EEIG2: variants seen among roughly 807,000 people sequenced by gnomAD.
EEIG2 encodes family with sequence similarity 102 member B.
At chr1:108,580,349 A>G in the EEIG2 span, among the ~76,000 whole-genome samples, 1 of 100,850 alleles carries the variant, frequency 9.9e-6, no homozygotes, top group Non-Finnish European at 2.4e-5. Context: ...AGACAAAACA[A>G]TATTAAAATT....
the EEIG2 span, among the ~76,000 whole-genome samples, chr1:108,583,749 G>A: frequency 1.5e-4 from 23 of 152,100 alleles, no homozygotes; most frequent in African/African-American, 5.3e-4. Context: ...AGTTAGGATC[G>A]CAAACCTAGA....
the EEIG2 span, chr1:108,616,551 TC>T: frequency 1.5e-6 from 1 of 653,250 alleles, no homozygotes; most frequent in Admixed American, 3.0e-5. Context: ...GATAGTTTCT[TC>T]CCTGGGAGAC....
the EEIG2 span, among the ~76,000 whole-genome samples, chr1:108,573,923 C>T: frequency 6.6e-6 from 1 of 152,182 alleles, no homozygotes; most frequent in Non-Finnish European, 1.5e-5. Flanking sequence ...AATTAGAACC[C>T]TTTTGCATTG....
chr1:108,617,851 A>G, the EEIG2 span, among the ~76,000 whole-genome samples: 1 of 152,196 alleles, frequency 6.6e-6, no homozygotes, highest in Non-Finnish European at 1.5e-5. Context: ...ACGCTGCTGG[A>G]GTGGGTCTCA....
the EEIG2 span, chr1:108,637,326 T>G: frequency 6.6e-6 from 1 of 152,178 alleles, no homozygotes; most frequent in Non-Finnish European, 1.5e-5. Flanking sequence ...AGCAAAAGTC[T>G]GGATCCATTT....
the EEIG2 span, among the ~76,000 whole-genome samples, chr1:108,580,006 C>T: frequency 2.0e-5 from 3 of 152,124 alleles, no homozygotes; most frequent in African/African-American, 7.2e-5. Context: ...CTCAAGCCAT[C>T]CTCTCACCTA....
At chr1:108,600,023 G>A in the EEIG2 span, among the ~76,000 whole-genome samples, 1 of 152,176 alleles carries the variant, frequency 6.6e-6, no homozygotes, top group African/African-American at 2.4e-5. Flanking sequence ...GAAAATGCCA[G>A]CTACTTCACA....
the EEIG2 span, chr1:108,612,044 T>A: frequency 1.8e-6 from 1 of 559,306 alleles, no homozygotes; most frequent in Non-Finnish European, 3.2e-6. Flanking sequence ...AGAACAGGTA[T>A]TAAGAGTCAA....
At chr1:108,567,220 A>C in the EEIG2 span, among the ~76,000 whole-genome samples, 1 of 152,208 alleles carries the variant, frequency 6.6e-6, no homozygotes, top group Non-Finnish European at 1.5e-5. Context: ...TCATCAATTC[A>C]CATTATTATA....
chr1:108,573,780 C>T, the EEIG2 span, among the ~76,000 whole-genome samples: 1 of 152,114 alleles, frequency 6.6e-6, no homozygotes, highest in Non-Finnish European at 1.5e-5. Context: ...AAAAGGTATA[C>T]AGCATCACTT....
At chr1:108,577,043 G>A in the EEIG2 span, among the ~76,000 whole-genome samples, 1 of 146,024 alleles carries the variant, frequency 6.8e-6, no homozygotes, top group East Asian at 2.1e-4. Flanking sequence ...TTCTCTGATG[G>A]CCAGTGATGA....
chr1:108,639,272 GT>G, the EEIG2 span: 1 of 141,178 alleles, frequency 7.1e-6, no homozygotes, highest in South Asian at 2.2e-4. Flanking sequence ...TTTGTAAAAT[GT>G]TTGTAATAAT....
At chr1:108,613,804 C>A in the EEIG2 span, among the ~76,000 whole-genome samples, 3 of 151,970 alleles carry the variant, frequency 2.0e-5, no homozygotes, top group Admixed American at 2.0e-4. Flanking sequence ...GACGAGCTAG[C>A]CTTGTGGACT....
the EEIG2 span, among the ~76,000 whole-genome samples, chr1:108,571,146 C>A: frequency 7.9e-5 from 12 of 152,266 alleles, no homozygotes; most frequent in South Asian, 2.5e-3. Context: ...ACTTCACTGT[C>A]ACATCAACCT....
the EEIG2 span, among the ~76,000 whole-genome samples, chr1:108,571,402 G>A: frequency 6.6e-6 from 1 of 152,146 alleles, no homozygotes; most frequent in Admixed American, 6.5e-5. Flanking sequence ...AAGAGACTAA[G>A]AGTATGAGGG....
At chr1:108,635,363 G>C in the EEIG2 span, 1 of 564,690 alleles carries the variant, frequency 1.8e-6, no homozygotes, top group Admixed American at 3.2e-5. Flanking sequence ...GTGCCACTGT[G>C]TGCCTTGGAA....
the EEIG2 span, among the ~76,000 whole-genome samples, chr1:108,563,148 A>T: frequency 6.6e-6 from 1 of 152,226 alleles, no homozygotes; most frequent in Non-Finnish European, 1.5e-5. Flanking sequence ...GGGAGCTTGA[A>T]TGGTAAATGG....
the EEIG2 span, chr1:108,629,728 A>G: frequency 1.7e-6 from 2 of 1,185,286 alleles, no homozygotes; most frequent in Non-Finnish European, 2.5e-6. Context: ...GTAGAGGATG[A>G]TGGTTGCAAA....
the EEIG2 span, among the ~76,000 whole-genome samples, chr1:108,610,132 G>C: frequency 6.6e-6 from 1 of 152,212 alleles, no homozygotes; most frequent in Admixed American, 6.5e-5. Context: ...ATAGCCTGGA[G>C]AGAGACAAAG....
Sources: gnomAD v4.1 joint callset for allele counts (sites outside exome capture counted in the v4.1 genomes callset) on GRCh38, gnomAD v4.1.1 for gene constraint, MANE v1.5 for transcripts, NCBI Gene and HGNC (gene_info 2026-07-23, HGNC 2026-07-21) for gene names.